ROCK2: variants seen among roughly 807,000 people sequenced by gnomAD.
The protein encoded by ROCK2 is Rho associated coiled-coil containing protein kinase 2.
In ROCK2, 61 loss-of-function variants were observed where a neutral mutation model predicts 195.1. The ratio of observed to expected loss-of-function variants is 0.31; its 90% CI spans 0.25 to 0.39. ROCK2 has a LOEUF of 0.39. ROCK2 is among the 10% of genes least tolerant of loss of function. ROCK2 has a pLI of 1.00. For synonymous variants in ROCK2, 504 were observed against 545.5 expected (o/e 0.92, Z 1.06); for missense variants, 1,109 against 1,637.4 (o/e 0.68, Z 5.57).
chr2:11,238,369 G>A (rs1254986377), intron 4 of ROCK2, among the ~76,000 whole-genome samples: 1 of 151,940 alleles, frequency 6.6e-6, no homozygotes, highest in Non-Finnish European at 1.5e-5. Context: ...TCCCCAAATT[G>A]ATCATTATAT....
intron 23 of ROCK2, 109 bp from the exon 24 acceptor site, chr2:11,198,883 CTTTTTTTTTT>C: frequency 2.1e-6 from 1 of 483,268 alleles, no homozygotes; most frequent in Non-Finnish European, 3.5e-6. Flanking sequence ...TCTTATTTTT[CTTTTTTTTTT>C]TTTTTTGAGA....
At chr2:11,194,489 GTC>G in intron 28 of ROCK2, 145 bp from the exon 29 acceptor site, 2 of 370,412 alleles carry the variant, frequency 5.4e-6, no homozygotes, top group Admixed American at 4.6e-5. Flanking sequence ...CTTTAGGACA[GTC>G]TTCCTTAAAA....
chr2:11,316,432 G>A (rs539441066), intron 1 of ROCK2, among the ~76,000 whole-genome samples: 1 of 152,172 alleles, frequency 6.6e-6, no homozygotes, highest in Non-Finnish European at 1.5e-5. Flanking sequence ...ACAGCATAGA[G>A]AATATATTAA....
chr2:11,187,630 A>G (rs756158145), intron 32 of ROCK2, among the ~76,000 whole-genome samples: 12 of 152,164 alleles, frequency 7.9e-5, no homozygotes, highest in Admixed American at 2.0e-4. Flanking sequence ...GATTTATAAG[A>G]ACTTTTCGTA....
chr2:11,211,885 C>A (rs757147707), intron 17 of ROCK2, 45 bp from the exon 18 acceptor site: 3 of 1,431,096 alleles, frequency 2.1e-6, no homozygotes, highest in Non-Finnish European at 2.8e-6. Context: ...AAGAGACTAG[C>A]TCACAATTTC....
At chr2:11,211,909 T>C (rs1392038510) in intron 17 of ROCK2, 69 bp from the exon 18 acceptor site, 27 of 314,178 alleles carry the variant, frequency 8.6e-5, no homozygotes, top group Non-Finnish European at 1.3e-4. Flanking sequence ...AGCTTTCTAA[T>C]TTTTTTTTTT....
rs546493648 is a variant in ROCK2 at position 11,182,130 on chromosome 2, C to G, written c.*1307G>C. 1.3e-5 allele frequency: 2 copies of G among 152,030 alleles called. No individual in the cohort carries two copies. The highest frequency in any genetic ancestry group is 2.4e-5 in the African/African-American group (1 of 41,412). 9.4% of individuals were successfully genotyped at this position (152,030 alleles called of 1,614,324 possible). On this transcript the variant is annotated 3_prime_UTR_variant, in exon 33 of 33. Transcript: ENST00000315872. The stretch of plus-strand genomic sequence containing the variant: ...CAAGAATGTCCTGCGTAAACTGTAA[C>G]TTTGACAGCATTTAAAAAATAAAAA...
intron 19 of ROCK2, 28 bp downstream of exon 19, chr2:11,208,259 A>T: frequency 8.0e-7 from 1 of 1,249,058 alleles, no homozygotes; most frequent in Non-Finnish European, 1.0e-6. Context: ...TTAGTTTATT[A>T]TTAATCATTA....
At chr2:11,330,740 G>GGGAGGAGGAGGGGGGAGGA (rs148690962) in intron 1 of ROCK2, among the ~76,000 whole-genome samples, 1 of 43,260 alleles carries the variant, frequency 2.3e-5, no homozygotes, top group East Asian at 1.2e-3. Context: ...AAGATGAGGA[G>GGGAGGAGGAGGGGGGAGGA]GGAGGAGGGA....
At chr2:11,214,703 C>CTAATATTTCTAATATT in intron 16 of ROCK2, 137 bp downstream of exon 16, 1 of 838,248 alleles carries the variant, frequency 1.2e-6, no homozygotes, top group African/African-American at 1.7e-5. Context: ...AATTTTGTAT[C>CTAATATTTCTAATATT]AGTGTATTTC....
intron 1 of ROCK2, among the ~76,000 whole-genome samples, chr2:11,339,285 A>T (rs760303283): frequency 6.6e-6 from 1 of 152,210 alleles, no homozygotes; most frequent in South Asian, 2.1e-4. Flanking sequence ...TACAGCAAAT[A>T]CAGCAAAATA....
In ROCK2 at chr2:11,214,432, C is replaced by T. The variant is rs369983762; in HGVS notation, c.1968G>A (p.Lys656=). Reference sequence around the variant, plus strand: ...CTTTCGCTAGTAAGATTTTGCCGTTCTTTAAATCTTCTTCTAGGCCACATA... The same window carrying T: ...CTTTCGCTAGTAAGATTTTGCCGTTTTTTAAATCTTCTTCTAGGCCACATA... ...GRICGLEEDL[K]NGKILLAKVE... Residue 656 remains lysine (K), a synonymous_variant, in exon 17 of 33, where the codon AAG becomes AAA. Transcript: ENST00000315872. 13 of 1,609,264 alleles carry T rather than the reference C, an allele frequency of 8.1e-6. No individual in the cohort carries two copies. Among genetic ancestry groups the T allele is most frequent in the Admixed American group, 3.3e-5 (2 of 59,752 alleles).
intron 1 of ROCK2, among the ~76,000 whole-genome samples, chr2:11,288,294 G>A (rs1306546698): frequency 4.6e-5 from 7 of 151,992 alleles, no homozygotes; most frequent in African/African-American, 1.7e-4. Context: ...CAGTGAACAT[G>A]CATTAAAACA....
intron 1 of ROCK2, among the ~76,000 whole-genome samples, chr2:11,296,010 G>GGGGGAGAC (rs1667519485): frequency 9.4e-6 from 1 of 106,388 alleles, no homozygotes; most frequent in South Asian, 3.5e-4. Flanking sequence ...AGAGAGGAGA[G>GGGGGAGAC]AGAGAGAGAG....
chr2:11,268,592 C>T (rs562485664), intron 3 of ROCK2, among the ~76,000 whole-genome samples: 5 of 149,484 alleles, frequency 3.3e-5, no homozygotes, highest in East Asian at 2.0e-4. Flanking sequence ...TTCTATCAGC[C>T]CTTTGAATAT....
chr2:11,247,985 G>C (rs1665678560), intron 4 of ROCK2, among the ~76,000 whole-genome samples: 1 of 151,756 alleles, frequency 6.6e-6, no homozygotes, highest in African/African-American at 2.4e-5. Flanking sequence ...TCACGCCACT[G>C]AACTCCAGCC....
At chr2:11,206,180 A>G (rs1664045537) in intron 20 of ROCK2, among the ~76,000 whole-genome samples, 1 of 152,156 alleles carries the variant, frequency 6.6e-6, no homozygotes. Flanking sequence ...TAACCCTACA[A>G]TGAACACTTC....
intron 11 of ROCK2, 115 bp from the exon 12 acceptor site, chr2:11,217,284 T>TA: frequency 1.3e-6 from 1 of 741,896 alleles, no homozygotes; most frequent in Non-Finnish European, 2.5e-6. Flanking sequence ...ATGTCCTCTA[T>TA]AATGGTACAG....
intron 3 of ROCK2, among the ~76,000 whole-genome samples, chr2:11,263,257 C>CCAGT (rs1666296146): frequency 6.6e-6 from 1 of 152,112 alleles, no homozygotes; most frequent in South Asian, 2.1e-4. Context: ...AGCAATAAGC[C>CCAGT]CAGTGATCAG....
Sources: gnomAD v4.1 joint callset for allele counts (sites outside exome capture counted in the v4.1 genomes callset) on GRCh38, gnomAD v4.1.1 for gene constraint, MANE v1.5 for transcripts, NCBI Gene and HGNC (gene_info 2026-07-23, HGNC 2026-07-21) for gene names.